The following NCKAP5 variants were observed in gnomAD, a reference collection of about 807,000 sequenced individuals.
NCKAP5 encodes the protein NCK associated protein 5.
In NCKAP5, 92 loss-of-function variants were observed where a neutral mutation model predicts 167.0. That is an observed-to-expected ratio of 0.55 (90% confidence interval 0.47 to 0.66). The LOEUF (loss-of-function observed/expected upper bound fraction) is 0.66, where lower values mean the gene tolerates loss of function less well. Ranked by LOEUF, NCKAP5 falls within the 30% of genes least tolerant of loss-of-function variation. NCKAP5 has a pLI of 0.00. For missense variants in NCKAP5, 2,378 were observed against 2,315.0 expected (o/e 1.03, Z -0.56); for synonymous variants, 891 against 877.4 (o/e 1.02, Z -0.27).
intron 8 of NCKAP5, among the ~76,000 whole-genome samples, chr2:132,909,420 C>T (rs1447006775): frequency 1.3e-5 from 2 of 152,168 alleles, no homozygotes; most frequent in East Asian, 1.9e-4. Context: ...CTTTCTTTCT[C>T]ATTTGCTCCT....
intron 8 of NCKAP5, among the ~76,000 whole-genome samples, chr2:132,922,601 TGTA>T (rs1695529573): frequency 6.6e-6 from 1 of 152,164 alleles, no homozygotes; most frequent in Non-Finnish European, 1.5e-5. Flanking sequence ...TTAAACTACT[TGTA>T]GTTTTCCAAA....
intron 3 of NCKAP5, among the ~76,000 whole-genome samples, chr2:133,414,904 G>A (rs1312150553): frequency 6.6e-6 from 1 of 152,118 alleles, no homozygotes; most frequent in Non-Finnish European, 1.5e-5. Flanking sequence ...AAAATTCAGG[G>A]GCAGATGTAG....
intron 8 of NCKAP5, among the ~76,000 whole-genome samples, chr2:132,961,667 A>G (rs79006007): frequency 0.025 from 3,839 of 152,282 alleles, 104 homozygotes; most frequent in African/African-American, 0.07. Context: ...CTTCTCTTTT[A>G]CTCACTACAG....
intron 9 of NCKAP5, among the ~76,000 whole-genome samples, chr2:132,873,764 G>T (rs138289866): frequency 3.1e-4 from 47 of 152,262 alleles, no homozygotes; most frequent in African/African-American, 1.1e-3. Flanking sequence ...TTGGGTTAGT[G>T]CATAATAAAT....
At chr2:133,030,920 T>C (rs1420057814) in intron 6 of NCKAP5, among the ~76,000 whole-genome samples, 2 of 152,092 alleles carry the variant, frequency 1.3e-5, no homozygotes, top group Non-Finnish European at 2.9e-5. Context: ...CATCTCTCTC[T>C]CTCTCTCACA....
rs921118371 is a variant in NCKAP5 at position 133,104,200 on chromosome 2, C to A, written c.341+25778G>T. Among the ~76,000 whole-genome samples, 4 of 152,098 alleles carry A rather than the reference C, an allele frequency of 2.6e-5. No individual in the cohort carries two copies. In the East Asian group the frequency reaches 7.7e-4, roughly 29 times the overall value. ...CAAATAACAGAGAAATCAGCCAGCT[C>A]CAGCAGCACCCCAAGTTGGACACAG... On this transcript the variant is annotated intron_variant, in intron 6 of 19. Coordinates refer to ENST00000409261, the MANE Select transcript of NCKAP5 (RefSeq NM_207363.3).
chr2:133,577,262 A>T, the NCKAP5 span, among the ~76,000 whole-genome samples: 2 of 152,158 alleles, frequency 1.3e-5, no homozygotes, highest in African/African-American at 4.8e-5. Context: ...GAAGGAAAGG[A>T]CATTCTAGAA....
intron 3 of NCKAP5, among the ~76,000 whole-genome samples, chr2:133,469,154 T>G (rs915171209): frequency 6.8e-4 from 104 of 152,294 alleles, no homozygotes; most frequent in Non-Finnish European, 9.1e-4. Flanking sequence ...GGTACCGGCT[T>G]TTCCTTTCCA....
At chr2:133,308,813 C>G (rs1476137334) in intron 3 of NCKAP5, among the ~76,000 whole-genome samples, 1 of 147,374 alleles carries the variant, frequency 6.8e-6, no homozygotes, top group Non-Finnish European at 1.5e-5. Flanking sequence ...CGGGTTCACG[C>G]CATTCTCCTG....
chr2:132,784,399 A>C lies in NCKAP5; in HGVS notation c.2412T>G (p.Pro804=). Residue 804 remains proline (P), a synonymous_variant, in exon 14 of 20, where the codon CCT becomes CCG. Transcript: ENST00000409261. ...IYQKQNLTKI[P]PRGKSSPQKS... Reference sequence around the variant, plus strand: ...TCTGAGGTGAAGACTTGCCCCTGGGAGGTATTTTTGTCAGATTTTGCTTTT... The same window carrying C: ...TCTGAGGTGAAGACTTGCCCCTGGGCGGTATTTTTGTCAGATTTTGCTTTT... 1 of 1,613,396 alleles carries C rather than the reference A, an allele frequency of 6.2e-7. No individual in the cohort carries two copies. The highest frequency in any genetic ancestry group is 8.5e-7 in the Non-Finnish European group (1 of 1,179,722).
At chr2:133,660,272 C>T in the NCKAP5 span, among the ~76,000 whole-genome samples, 11 of 152,106 alleles carry the variant, frequency 7.2e-5, no homozygotes, top group African/African-American at 2.4e-4. Flanking sequence ...CCTGTGGTCT[C>T]GCCACTCACT....
intron 3 of NCKAP5, among the ~76,000 whole-genome samples, chr2:133,405,748 T>C (rs1197077957): frequency 6.6e-6 from 1 of 152,218 alleles, no homozygotes; most frequent in Admixed American, 6.5e-5. Context: ...GCCTCTATGC[T>C]TCTAGTCCAT....
chr2:133,213,612 CTG>C, intron 5 of NCKAP5, 102 bp downstream of exon 5: 2 of 1,097,590 alleles, frequency 1.8e-6, no homozygotes, highest in Non-Finnish European at 2.7e-6. Flanking sequence ...ATTAAGTTTG[CTG>C]CAAGCAAATA....
intron 3 of NCKAP5, among the ~76,000 whole-genome samples, chr2:133,477,821 A>T (rs140236534): frequency 2.0e-5 from 3 of 152,262 alleles, no homozygotes; most frequent in African/African-American, 7.2e-5. Context: ...GGATGAAGGG[A>T]TGATGCACAT....
At position 132,724,725 on chromosome 2, in the gene NCKAP5, C is replaced by A. The variant is rs570180929; in HGVS notation, c.5713+902G>T. On this transcript the variant is annotated intron_variant, in intron 19 of 19. Transcript: ENST00000409261. ...TCGCATGATTCAACCACCAATCCTA[C>A]CTCTCTGATAACTTATAAGAAGCAA... is the stretch of plus-strand genomic sequence containing the variant. Among the ~76,000 whole-genome samples the A allele has an allele frequency of 4.7e-4, 72 of 152,196 alleles. 1 individual carries two copies. Among genetic ancestry groups the A allele is most frequent in the African/African-American group, 1.6e-3 (68 of 41,514 alleles).
At chr2:133,206,034 T>C (rs1032633840) in intron 5 of NCKAP5, among the ~76,000 whole-genome samples, 2 of 152,172 alleles carry the variant, frequency 1.3e-5, no homozygotes, top group Admixed American at 1.3e-4. Flanking sequence ...CCAGCTCTTA[T>C]ACTACTTTTC....
At chr2:132,958,122 G>A (rs1047725560) in intron 8 of NCKAP5, among the ~76,000 whole-genome samples, 6 of 152,104 alleles carry the variant, frequency 3.9e-5, no homozygotes, top group African/African-American at 9.7e-5. Flanking sequence ...AAGGGCTCCC[G>A]CTAGTCCCCA....
At chr2:133,029,502 T>C (rs1300627567) in intron 6 of NCKAP5, among the ~76,000 whole-genome samples, 2 of 152,210 alleles carry the variant, frequency 1.3e-5, no homozygotes. Flanking sequence ...AAGGGGTTGC[T>C]AGATAACACC....
chr2:133,173,185 G>A (rs1338320295), intron 5 of NCKAP5, among the ~76,000 whole-genome samples: 1 of 152,128 alleles, frequency 6.6e-6, no homozygotes, highest in Non-Finnish European at 1.5e-5. Flanking sequence ...TAGATTTGGG[G>A]ATGGCAGGAG....
Sources: allele counts gnomAD v4.1 joint callset (sites outside exome capture counted in the v4.1 genomes callset), GRCh38; gene constraint gnomAD v4.1.1; transcripts MANE v1.5; gene names NCBI Gene and HGNC (gene_info 2026-07-23, HGNC 2026-07-21).